The following ADARB1 variants were observed in gnomAD, a reference collection of about 807,000 sequenced individuals.
The protein encoded by ADARB1 is double-stranded RNA-specific editase 1.
ADARB1 carries 10 observed loss-of-function variants against 52.4 expected under a neutral mutation model. The ratio of observed to expected loss-of-function variants is 0.19; its 90% confidence interval spans 0.12 to 0.32. ADARB1 has a LOEUF of 0.32. ADARB1 is among the 10% of genes least tolerant of loss of function. ADARB1 has a pLI of 1.00. For missense variants in ADARB1, 643 were observed against 922.3 expected, an observed-to-expected ratio of 0.70 and a Z score of 3.92; for synonymous variants, 349 against 371.1, an observed-to-expected ratio of 0.94 and a Z score of 0.68.
At chr21:45,199,054 C>T (rs2092491748) in intron 8 of ADARB1, among the ~76,000 whole-genome samples, 1 of 152,118 alleles carries the variant, frequency 6.6e-6, no homozygotes, top group South Asian at 2.1e-4. Flanking sequence ...GACCTGCAGA[C>T]CCATGGGGCA....
chr21:45,170,612 A>T (rs116584074), intron 2 of ADARB1, among the ~76,000 whole-genome samples: 1 of 151,758 alleles, frequency 6.6e-6, no homozygotes, highest in Non-Finnish European at 1.5e-5. Context: ...GATATTTGAT[A>T]TAGATATATA....
At chr21:45,113,777 C>T (rs1018116022) in intron 1 of ADARB1, among the ~76,000 whole-genome samples, 5 of 152,238 alleles carry the variant, frequency 3.3e-5, no homozygotes, top group Admixed American at 3.3e-4. Context: ...TGAATGAACA[C>T]AGCTGCAGCC....
chr21:45,120,608 C>T (rs2088118126), intron 1 of ADARB1, among the ~76,000 whole-genome samples: 1 of 152,154 alleles, frequency 6.6e-6, no homozygotes, highest in Non-Finnish European at 1.5e-5. Flanking sequence ...ACACTAGGAC[C>T]CTCTGAGGAC....
chr21:45,168,622 C>T (rs368599580), intron 2 of ADARB1, among the ~76,000 whole-genome samples: 5 of 152,202 alleles, frequency 3.3e-5, no homozygotes, highest in African/African-American at 4.8e-5. Flanking sequence ...GTGGTGTATT[C>T]GGGGTTCTCT....
intron 2 of ADARB1, among the ~76,000 whole-genome samples, chr21:45,130,226 A>G (rs188887214): frequency 6.6e-6 from 1 of 152,354 alleles, no homozygotes; most frequent in African/African-American, 2.4e-5. Flanking sequence ...CAGAAGTAAA[A>G]CATTGCATTA....
At chr21:45,153,580 C>G (rs962244327) in intron 2 of ADARB1, among the ~76,000 whole-genome samples, 4 of 152,170 alleles carry the variant, frequency 2.6e-5, no homozygotes, top group Non-Finnish European at 5.9e-5. Context: ...GTAAAATTAA[C>G]CTCGGTTTTT....
chr21:45,144,160 G>T (rs116869330), intron 2 of ADARB1, among the ~76,000 whole-genome samples: 1 of 152,132 alleles, frequency 6.6e-6, no homozygotes, highest in African/African-American at 2.4e-5. Flanking sequence ...TTTCCCATGT[G>T]TTGATTTTAT....
chr21:45,182,870 A>G, intron 6 of ADARB1, 117 bp downstream of exon 6: 1 of 1,021,872 alleles, frequency 9.8e-7, no homozygotes, highest in South Asian at 1.8e-5. Flanking sequence ...TCAAAATCAT[A>G]ACTTTAATTA....
chr21:45,184,892 C>T (rs890086010), intron 7 of ADARB1, 31 bp from the exon 8 acceptor site: 3 of 1,578,436 alleles, frequency 1.9e-6, no homozygotes, highest in Non-Finnish European at 2.6e-6. Flanking sequence ...GGTTTACTAC[C>T]TGTGGGGTTT....
chr21:45,133,962 T>A, intron 2 of ADARB1, among the ~76,000 whole-genome samples: 1 of 111,624 alleles, frequency 9.0e-6, no homozygotes, highest in Admixed American at 9.2e-5. Flanking sequence ...CAGTGGTGTG[T>A]GCGCCCGACG....
rs947745702 is a variant in ADARB1, at chr21:45,142,188, T to G, written c.-48+13615T>G. On this transcript the variant is annotated intron_variant, in intron 2 of 10. Transcript: ENST00000348831. This position sits in a 1 kb window ranked among gnomAD's most constrained non-coding sequence, Gnocchi z 4.0. Reference sequence around the variant, plus strand: ...GCCACATTATGCTACTGCAGCTAATTAAGGTCGCTCAATTCAAGTGTCTCC... The same window carrying G: ...GCCACATTATGCTACTGCAGCTAATGAAGGTCGCTCAATTCAAGTGTCTCC... Among the ~76,000 whole-genome samples, 1 of 152,252 alleles carries G rather than the reference T, an allele frequency of 6.6e-6. No homozygotes were observed. The highest frequency in any genetic ancestry group is 2.4e-5 in the African/African-American group (1 of 41,476).
intron 9 of ADARB1, among the ~76,000 whole-genome samples, chr21:45,217,104 A>G (rs538960010): frequency 9.9e-5 from 15 of 152,072 alleles, no homozygotes; most frequent in African/African-American, 3.1e-4. Context: ...TTTCTTATAG[A>G]CATATATTTA....
chr21:45,139,204 AG>A (rs1394321900), intron 2 of ADARB1, among the ~76,000 whole-genome samples: 4 of 152,176 alleles, frequency 2.6e-5, no homozygotes, highest in African/African-American at 7.2e-5. Flanking sequence ...TACAGGCGTG[AG>A]TCACTGCTCC....
Position 45,176,925 on chromosome 21 carries a change from TACA to T in ADARB1, c.963+265_963+267del. ...AGACCCCGTCCACCAGAGCAGTGTT[TACA>T]ACACTATCCATAACTCCCTTCCCGT... On this transcript the variant is annotated intron_variant, in intron 4 of 10. Transcript: ENST00000348831. This position sits in a 1 kb window ranked among gnomAD's most constrained non-coding sequence, Gnocchi z 5.8. 1 of 476,940 alleles carries T rather than the reference TACA, an allele frequency of 2.1e-6. No homozygotes were observed. Among genetic ancestry groups the T allele is most frequent in the Non-Finnish European group, 3.7e-6 (1 of 270,982 alleles). 29.5% of individuals were successfully genotyped at this position (476,940 alleles called of 1,614,324 possible).
intron 9 of ADARB1, among the ~76,000 whole-genome samples, chr21:45,219,633 T>C (rs1289357271): frequency 6.6e-6 from 1 of 152,062 alleles, no homozygotes; most frequent in African/African-American, 2.4e-5. Context: ...TTTTTGAGAT[T>C]AGGAAACAAA....
At chr21:45,199,800 T>G (rs1296384443) in intron 8 of ADARB1, among the ~76,000 whole-genome samples, 2 of 152,244 alleles carry the variant, frequency 1.3e-5, no homozygotes, top group Non-Finnish European at 2.9e-5. Context: ...AGGATTCGAC[T>G]TGGTTACAGG....
intron 8 of ADARB1, 107 bp downstream of exon 8, chr21:45,185,198 C>A: frequency 7.1e-7 from 1 of 1,400,060 alleles, no homozygotes. Flanking sequence ...CCCCATTTCC[C>A]ACTCAGGTGT....
At chr21:45,194,580 GCCTGTTCACC>G (rs1443603204) in intron 8 of ADARB1, among the ~76,000 whole-genome samples, 7 of 151,578 alleles carry the variant, frequency 4.6e-5, no homozygotes, top group African/African-American at 1.2e-4. Context: ...TCTGTACTCT[GCCTGTTCACC>G]CCTCTCACCT....
At chr21:45,081,698 TG>T (rs1261029880) in intron 1 of ADARB1, among the ~76,000 whole-genome samples, 3 of 152,062 alleles carry the variant, frequency 2.0e-5, no homozygotes, top group African/African-American at 7.3e-5. Context: ...TGGCTCCTGG[TG>T]GAGGTATGAT....
Sources: allele counts gnomAD v4.1 joint callset (sites outside exome capture counted in the v4.1 genomes callset), GRCh38; gene constraint gnomAD v4.1.1; non-coding constraint Gnocchi (gnomAD v3.1); transcripts MANE v1.5; gene names NCBI Gene and HGNC (gene_info 2026-07-23, HGNC 2026-07-21).